WDR37: variants seen among roughly 807,000 people sequenced by gnomAD.
WDR37 encodes the protein WD repeat domain 37, also known as WD repeat-containing protein 37.
WDR37 carries 19 observed loss-of-function variants against 62.9 expected under a neutral mutation model. That is an observed-to-expected ratio of 0.30 (90% confidence interval 0.21 to 0.44). WDR37 has a LOEUF of 0.44. WDR37 is among the 20% of genes least tolerant of loss of function. The probability of loss-of-function intolerance (pLI) is 1.00; values close to 1 mark genes in which losing one functional copy is unlikely to be tolerated. For missense variants in WDR37, 474 were observed against 657.6 expected, an observed-to-expected ratio of 0.72 and a Z score of 3.05; for synonymous variants, 250 against 260.9, an observed-to-expected ratio of 0.96 and a Z score of 0.40.
chr10:1,066,277 T>A (rs546517993), intron 1 of WDR37, among the ~76,000 whole-genome samples: 29 of 152,096 alleles, frequency 1.9e-4, no homozygotes, highest in Non-Finnish European at 2.5e-4. Context: ...CACCACGCCC[T>A]GCTAATTTTT....
At chr10:1,107,403 T>C (rs1835059634) in intron 11 of WDR37, among the ~76,000 whole-genome samples, 1 of 152,272 alleles carries the variant, frequency 6.6e-6, no homozygotes, top group Non-Finnish European at 1.5e-5. Flanking sequence ...CAAGATGGTC[T>C]CACTCCTGCG....
At chr10:1,120,822 G>A (rs1249024558) in intron 11 of WDR37, among the ~76,000 whole-genome samples, 2 of 152,206 alleles carry the variant, frequency 1.3e-5, no homozygotes, top group African/African-American at 4.8e-5. Flanking sequence ...GTGAAATTTC[G>A]GCAGATTGTT....
Position 1,105,346 on chromosome 10 carries a change from T to A in WDR37, c.1103+79T>A. On this transcript the variant is annotated intron_variant, in intron 11 of 13. Coordinates refer to ENST00000263150, the MANE Select transcript of WDR37 (RefSeq NM_014023.4). This position sits in a 1 kb window ranked among gnomAD's most constrained non-coding sequence, Gnocchi z 5.3. ...TTGACATGAAAACTTAATTCTAGCC[T>A]TAATTTTCAGTATTTCCGACTCTAC... The A allele has an allele frequency of 6.7e-7, 1 of 1,503,608 alleles. No individual in the cohort carries two copies. 93.1% of individuals were successfully genotyped at this position (1,503,608 alleles called of 1,614,324 possible).
chr10:1,124,799 G>C, intron 12 of WDR37, 111 bp from the exon 13 acceptor site: 1 of 1,382,790 alleles, frequency 7.2e-7, no homozygotes, highest in South Asian at 1.4e-5. Context: ...TGTTCATGTA[G>C]TCGGCCTTGA....
In WDR37 at chr10:1,129,686, TACGTTGCGG is replaced by T; in HGVS notation, c.*343_*351del. The stretch of plus-strand genomic sequence containing the variant: ...GTGAATTAAATGTGAACTTCTGTAT[TACGTTGCGG>T]CGTCGGCAGTCCTGCGTTCCCTGGA... On this transcript the variant is annotated 3_prime_UTR_variant, in exon 14 of 14. Transcript: ENST00000263150. The T allele has an allele frequency of 5.4e-6, 1 of 184,502 alleles. No individual in the cohort carries two copies. The highest frequency in any genetic ancestry group is 1.1e-5 in the Non-Finnish European group (1 of 87,734). The allele number at this position is 184,502 out of a possible 1,614,324, so 11.4% of individuals were successfully genotyped here.
rs1487989439 is a variant in WDR37, at chr10:1,129,485, C to G, written c.*141C>G. On this transcript the variant is annotated 3_prime_UTR_variant, in exon 14 of 14. Transcript: ENST00000263150. ...TGTATATGTTCTTTTCACATAGTGC[C>G]CAGCTTGCATGAAATGTACAGAGAA... 1.8e-5 allele frequency: 23 copies of G among 1,250,156 alleles called. No individual in the cohort carries two copies. Among genetic ancestry groups the G allele is most frequent in the Non-Finnish European group, 2.5e-5 (23 of 914,020 alleles). 77.4% of individuals were successfully genotyped at this position (1,250,156 alleles called of 1,614,324 possible). A position where few individuals can be genotyped will look rare whatever the true frequency, so the allele number is the denominator to read the frequency against.
chr10:1,119,818 T>A (rs931259687), intron 11 of WDR37, among the ~76,000 whole-genome samples: 3 of 152,210 alleles, frequency 2.0e-5, no homozygotes, highest in South Asian at 4.1e-4. Context: ...GCATGAACAG[T>A]TCTGTAGTGC....
At chr10:1,097,255 G>C (rs920488139) in intron 9 of WDR37, among the ~76,000 whole-genome samples, 2 of 152,198 alleles carry the variant, frequency 1.3e-5, no homozygotes, top group African/African-American at 2.4e-5. Context: ...GGGTTTGTCT[G>C]AACAGCCAGT....
At chr10:1,072,426 T>G in intron 2 of WDR37, 133 bp downstream of exon 2, 1 of 1,234,612 alleles carries the variant, frequency 8.1e-7, no homozygotes, top group Non-Finnish European at 1.1e-6. Flanking sequence ...GTGATTCTCC[T>G]GCCTCAGCCT....
At chr10:1,111,834 TAAA>T (rs1426890335) in intron 11 of WDR37, among the ~76,000 whole-genome samples, 1 of 152,192 alleles carries the variant, frequency 6.6e-6, no homozygotes, top group Non-Finnish European at 1.5e-5. Context: ...TTAGAAATAA[TAAA>T]AAGGCTTAAT....
At chr10:1,093,346 C>A in intron 7 of WDR37, 106 bp from the exon 8 acceptor site, 1 of 854,386 alleles carries the variant, frequency 1.2e-6, no homozygotes, top group Non-Finnish European at 1.9e-6. Flanking sequence ...ATATTGAACT[C>A]ATAGTTCTTT....
In WDR37 at chr10:1,121,260, T is replaced by G. The variant is rs2131687668; in HGVS notation, c.1104-2958T>G. Among the ~76,000 whole-genome samples, 1 of 152,260 alleles carries G rather than the reference T, an allele frequency of 6.6e-6. No individual in the cohort carries two copies. Among genetic ancestry groups the G allele is most frequent in the Non-Finnish European group, 1.5e-5 (1 of 68,022 alleles). ...AGTTAGGCGATCTTTTGTTGAGCCT[T>G]TTTTCCTATTAATTTAGCAGAATGT... On this transcript the variant is annotated intron_variant, in intron 11 of 13. Transcript: ENST00000263150. This position sits in a 1 kb window ranked among gnomAD's most constrained non-coding sequence, Gnocchi z 4.5.
At position 1,129,431 on chromosome 10, in the gene WDR37, G is replaced by A; in HGVS notation, c.*87G>A. ...TTCTGCGTATTAATCAGCCATTTTT[G>A]TGAGAGTTTGACCCTGGAAAGGGTG... On this transcript the variant is annotated 3_prime_UTR_variant, in exon 14 of 14. Coordinates refer to ENST00000263150, the MANE Select transcript of WDR37 (RefSeq NM_014023.4). The A allele has an allele frequency of 6.4e-7, 1 of 1,568,126 alleles. No homozygotes were observed. Among genetic ancestry groups the A allele is most frequent in the Non-Finnish European group, 8.7e-7 (1 of 1,151,256 alleles).
intron 1 of WDR37, among the ~76,000 whole-genome samples, chr10:1,060,417 G>A (rs903428284): frequency 7.9e-5 from 12 of 152,198 alleles, no homozygotes; most frequent in African/African-American, 2.9e-4. Flanking sequence ...TAAAGAGATT[G>A]AATTTTTAGA....
At chr10:1,126,391 G>A (rs1257313631) in intron 13 of WDR37, among the ~76,000 whole-genome samples, 30 of 145,894 alleles carry the variant, frequency 2.1e-4, no homozygotes, top group Admixed American at 1.3e-3. Flanking sequence ...GGGCGACAGA[G>A]CGAGACTGTG....
intron 9 of WDR37, among the ~76,000 whole-genome samples, chr10:1,102,591 G>A (rs893275373): frequency 1.3e-5 from 2 of 152,064 alleles, no homozygotes; most frequent in African/African-American, 4.8e-5. Context: ...AGGCGGGGGC[G>A]GGGGGTGCCC....
At chr10:1,094,404 C>G (rs538710128) in intron 8 of WDR37, among the ~76,000 whole-genome samples, 3 of 152,236 alleles carry the variant, frequency 2.0e-5, no homozygotes, top group African/African-American at 7.2e-5. Flanking sequence ...AGAAGGAGCC[C>G]CAGCAACAGG....
chr10:1,069,389 A>ATATATATATATATTTT lies in WDR37; in HGVS notation c.-40-2726_-40-2725insATATATATATATTTTT. Reference sequence around the variant, plus strand: ...GGAAAGAATATATATATATATATATATTTTTTTTTTTTTTTTTTGCAGCAG... The same window carrying ATATATATATATATTTT: ...GGAAAGAATATATATATATATATATATATATATATATATTTTTTTTTTTTTTTTTTTTTTGCAGCAG... On this transcript the variant is annotated intron_variant, in intron 1 of 13. Coordinates refer to ENST00000263150, the MANE Select transcript of WDR37 (RefSeq NM_014023.4). Among the ~76,000 whole-genome samples the ATATATATATATATTTT allele has an allele frequency of 1.3e-3, 125 of 95,752 alleles. 1 individual carries two copies. The highest frequency in any genetic ancestry group is 1.8e-3 in the Non-Finnish European group (94 of 52,562). The allele number at this position is 95,752 out of a possible 152,430, so 62.8% of individuals were successfully genotyped here.
intron 11 of WDR37, chr10:1,123,963 C>T (rs560798129): frequency 1.6e-4 from 74 of 461,698 alleles, no homozygotes; most frequent in Non-Finnish European, 1.9e-4. Flanking sequence ...TGTAACCTCT[C>T]TTCGTTCCGT....
Sources: gnomAD v4.1 joint callset for allele counts (sites outside exome capture counted in the v4.1 genomes callset) on GRCh38, gnomAD v4.1.1 for gene constraint, Gnocchi (gnomAD v3.1) non-coding constraint, MANE v1.5 for transcripts, NCBI Gene and HGNC (gene_info 2026-07-23, HGNC 2026-07-21) for gene names.